The following RSF1 variants were observed in gnomAD, a reference collection of about 807,000 sequenced individuals.
RSF1 encodes the protein HBV pX-associated protein 8.
RSF1 carries 13 observed loss-of-function variants against 145.2 expected under a neutral mutation model. The ratio of observed to expected loss-of-function variants is 0.09; its 90% CI spans 0.06 to 0.14. The LOEUF is 0.14. Ranked by LOEUF, RSF1 falls within the 10% of genes least tolerant of loss-of-function variation. The probability of loss-of-function intolerance (pLI) is 1.00; values close to 1 mark genes in which losing one functional copy is unlikely to be tolerated. For synonymous variants in RSF1, 577 were observed against 592.6 expected (o/e 0.97, Z 0.38); for missense variants, 1,517 against 1,718.2 (o/e 0.88, Z 2.07).
At chr11:77,828,460 G>C in the RSF1 span, among the ~76,000 whole-genome samples, 1 of 152,200 alleles carries the variant, frequency 6.6e-6, no homozygotes, top group East Asian at 1.9e-4. Flanking sequence ...AAGGTCAGGA[G>C]ATCGAGACCA....
chr11:77,801,289 G>A (rs1402926647), intron 1 of RSF1, among the ~76,000 whole-genome samples: 3 of 152,278 alleles, frequency 2.0e-5, no homozygotes, highest in African/African-American at 7.2e-5. Context: ...GTAGCCGGGT[G>A]TGGTGGCACA....
the RSF1 span, among the ~76,000 whole-genome samples, chr11:77,833,005 A>ATT: frequency 3.2e-4 from 21 of 65,750 alleles, 2 homozygotes; most frequent in African/African-American, 1.3e-3. Context: ...GTGTATATAT[A>ATT]TATATTTTTT....
intron 2 of RSF1, chr11:77,762,027 C>CTCT (rs1554994585): frequency 1.7e-5 from 1 of 58,756 alleles, no homozygotes; most frequent in Non-Finnish European, 3.0e-5. Context: ...CTTTTCTTTT[C>CTCT]TTTTTTTTTT....
Position 77,755,788 on chromosome 11 carries a change from C to T in RSF1, c.280-8660G>A, listed in dbSNP as rs1361837675. Among the ~76,000 whole-genome samples the T allele has an allele frequency of 2.0e-5, 3 of 152,136 alleles. No homozygotes were observed. The East Asian group carries it at 5.8e-4, about 29-fold the overall frequency. Reference sequence around the variant, plus strand: ...AGAGATGGGGTTTCACCATGTTGGCCAGGCTAGTCTTGAACTCCTGACCTC... The same window carrying T: ...AGAGATGGGGTTTCACCATGTTGGCTAGGCTAGTCTTGAACTCCTGACCTC... On this transcript the variant is annotated intron_variant, in intron 2 of 15. Coordinates refer to ENST00000308488, the MANE Select transcript of RSF1 (RefSeq NM_016578.4).
intron 1 of RSF1, among the ~76,000 whole-genome samples, chr11:77,811,359 A>AT (rs1406314679): frequency 2.6e-5 from 4 of 152,246 alleles, no homozygotes; most frequent in African/African-American, 9.6e-5. Context: ...ATTGCTGGTG[A>AT]TAAAATAAAG....
intron 5 of RSF1, among the ~76,000 whole-genome samples, chr11:77,706,058 A>G (rs763505778): frequency 3.9e-5 from 6 of 151,952 alleles, no homozygotes; most frequent in Admixed American, 1.3e-4. Context: ...AAAGGTCAAC[A>G]CGGTGAAACC....
chr11:77,827,756 G>C, the RSF1 span, among the ~76,000 whole-genome samples: 1 of 152,072 alleles, frequency 6.6e-6, no homozygotes, highest in Non-Finnish European at 1.5e-5. Flanking sequence ...TATTATACTG[G>C]AGGTTGTAGC....
the RSF1 span, among the ~76,000 whole-genome samples, chr11:77,838,552 GTCTGTCAATATTTATAGTCA>G: frequency 2.0e-5 from 3 of 150,846 alleles, no homozygotes; most frequent in Non-Finnish European, 4.4e-5. Flanking sequence ...TTTGAAACAA[GTCTGTCAATATTTATAGTCA>G]TCTGCTTCTG....
chr11:77,697,687 A>T (rs945518430), intron 7 of RSF1, among the ~76,000 whole-genome samples: 4 of 151,018 alleles, frequency 2.6e-5, no homozygotes, highest in Non-Finnish European at 5.9e-5. Context: ...CCTATAAATT[A>T]AAAAAAATTT....
intron 1 of RSF1, among the ~76,000 whole-genome samples, chr11:77,793,308 C>T (rs1185586816): frequency 6.6e-6 from 1 of 152,022 alleles, no homozygotes; most frequent in African/African-American, 2.4e-5. Flanking sequence ...AGCAAGCCCT[C>T]ATCTCTACAA....
chr11:77,782,901 T>C lies in RSF1; in HGVS notation c.188-18212A>G, dbSNP rs367750659. ...AACTTGGCTAACCCCAAACTAAAAT[T>C]ATTTGTTTAATGCAATAACTGATAT... On this transcript the variant is annotated intron_variant, in intron 1 of 15. Transcript: ENST00000308488. 7.2e-5 allele frequency among the ~76,000 whole-genome samples: 11 copies of C among 152,250 alleles called. No homozygotes were observed. In the East Asian group the frequency reaches 1.7e-3, roughly 24 times the overall value.
At chr11:77,788,626 T>C (rs1454889401) in intron 1 of RSF1, among the ~76,000 whole-genome samples, 2 of 151,998 alleles carry the variant, frequency 1.3e-5, no homozygotes, top group African/African-American at 4.8e-5. Context: ...ATAACAGTCG[T>C]GGCATGCATC....
In RSF1 at chr11:77,776,431, CCTT is replaced by C. The variant is rs567243544; in HGVS notation, c.188-11745_188-11743del. On this transcript the variant is annotated intron_variant, in intron 1 of 15. Transcript: ENST00000308488. Reference sequence around the variant, plus strand: ...CTTGCTAATAAGTGATCAGCTCATACCTTTTTTCAGTTAACATTCATTTGACAA... The same window carrying C: ...CTTGCTAATAAGTGATCAGCTCATACTTTTCAGTTAACATTCATTTGACAA... Among the ~76,000 whole-genome samples, 25 of 152,188 alleles carry C rather than the reference CCTT, an allele frequency of 1.6e-4. No homozygotes were observed. The South Asian group carries it at 3.9e-3, about 24-fold the overall frequency.
intron 15 of RSF1, among the ~76,000 whole-genome samples, chr11:77,669,114 GT>G (rs1309001344): frequency 6.6e-6 from 1 of 152,176 alleles, no homozygotes; most frequent in Non-Finnish European, 1.5e-5. Flanking sequence ...CAATTGCTCA[GT>G]CATCCTTGAT....
At chr11:77,818,893 T>C (rs1328166732) in intron 1 of RSF1, among the ~76,000 whole-genome samples, 2 of 152,266 alleles carry the variant, frequency 1.3e-5, no homozygotes, top group Non-Finnish European at 2.9e-5. Flanking sequence ...CTTTATATAA[T>C]GTAATTAGTC....
chr11:77,757,027 A>G (rs1948122992), intron 2 of RSF1, among the ~76,000 whole-genome samples: 1 of 152,226 alleles, frequency 6.6e-6, no homozygotes, highest in South Asian at 2.1e-4. Flanking sequence ...AACTCAAGCC[A>G]AGGGGTGAAG....
chr11:77,838,306 C>A, the RSF1 span, among the ~76,000 whole-genome samples: 6 of 152,082 alleles, frequency 3.9e-5, no homozygotes, highest in African/African-American at 1.4e-4. Flanking sequence ...TGTGAACATA[C>A]CTTGTAGATA....
the RSF1 span, among the ~76,000 whole-genome samples, chr11:77,854,961 C>G: frequency 1.3e-5 from 2 of 152,360 alleles, no homozygotes; most frequent in South Asian, 4.1e-4. Context: ...AATTGTCACA[C>G]TCTGTGCACC....
At chr11:77,819,885 GGGA>G (rs1257418246) in intron 1 of RSF1, among the ~76,000 whole-genome samples, 3 of 151,994 alleles carry the variant, frequency 2.0e-5, no homozygotes, top group African/African-American at 7.2e-5. Context: ...CCTCCCGTGG[GGGA>G]GGAGCAGACC....
Sources: allele counts gnomAD v4.1 joint callset (sites outside exome capture counted in the v4.1 genomes callset), GRCh38; gene constraint gnomAD v4.1.1; transcripts MANE v1.5; gene names NCBI Gene and HGNC (gene_info 2026-07-23, HGNC 2026-07-21).